Variants in GABRB1 observed in about 807,000 individuals in gnomAD.
GABRB1 encodes gamma-aminobutyric acid receptor subunit beta-1.
Under a neutral mutation model 51.6 loss-of-function variants are expected in GABRB1, and 17 were observed. That is an observed-to-expected ratio of 0.33 (90% CI 0.23 to 0.49). The LOEUF (loss-of-function observed/expected upper bound fraction) is 0.49, where lower values mean the gene tolerates loss of function less well. Among genes scored for constraint, GABRB1 ranks in the 20% least tolerant of loss-of-function variants. The probability of loss-of-function intolerance (pLI) is 0.99; values close to 1 mark genes in which losing one functional copy is unlikely to be tolerated. For missense variants in GABRB1, 410 were observed against 600.6 expected, an observed-to-expected ratio of 0.68 and a Z score of 3.32; for synonymous variants, 247 against 218.9, an observed-to-expected ratio of 1.13 and a Z score of -1.14.
chr4:47,284,014 C>A (rs940198027), intron 4 of GABRB1, among the ~76,000 whole-genome samples: 1 of 145,780 alleles, frequency 6.9e-6, no homozygotes, highest in South Asian at 2.2e-4. Flanking sequence ...AGGAGAATGG[C>A]GTGAACCCGG....
intron 3 of GABRB1, among the ~76,000 whole-genome samples, chr4:47,041,141 T>C (rs1725820121): frequency 6.6e-6 from 1 of 152,066 alleles, no homozygotes; most frequent in Admixed American, 6.6e-5. Context: ...TGAGACCGGA[T>C]ATAACAGGCA....
At chr4:47,279,482 G>A (rs1723198868) in intron 4 of GABRB1, among the ~76,000 whole-genome samples, 1 of 152,072 alleles carries the variant, frequency 6.6e-6, no homozygotes. Flanking sequence ...TTTCTTGTTG[G>A]AAAGTAAGGA....
intron 5 of GABRB1, among the ~76,000 whole-genome samples, chr4:47,367,432 G>T (rs75436467): frequency 6.6e-6 from 1 of 152,108 alleles, no homozygotes; most frequent in African/African-American, 2.4e-5. Context: ...CTCCAAAGGC[G>T]GCTCTACGGA....
At chr4:47,334,179 G>T (rs548698514) in intron 5 of GABRB1, among the ~76,000 whole-genome samples, 1 of 152,270 alleles carries the variant, frequency 6.6e-6, no homozygotes, top group African/African-American at 2.4e-5. Flanking sequence ...TACTAATGCT[G>T]TTGGTTGATG....
At chr4:47,263,704 A>G (rs2109882863) in intron 4 of GABRB1, among the ~76,000 whole-genome samples, 1 of 152,350 alleles carries the variant, frequency 6.6e-6, no homozygotes, top group African/African-American at 2.4e-5. Context: ...GGGAATATCA[A>G]TAAATACTTT....
intron 5 of GABRB1, among the ~76,000 whole-genome samples, chr4:47,368,918 G>A (rs901891355): frequency 6.6e-6 from 1 of 152,106 alleles, no homozygotes; most frequent in East Asian, 1.9e-4. Flanking sequence ...GACCAGACTG[G>A]CCAACATGGT....
At position 47,071,413 on chromosome 4, in the gene GABRB1, C is replaced by T. The variant is rs76791310; in HGVS notation, c.240+38929C>T. ...ATTACAAGCATTAGTTTGGCCTACA[C>T]AATCTTTCTAGTCCTCCCTACTTTC... On this transcript the variant is annotated intron_variant, in intron 3 of 8. Transcript: ENST00000295454. Among the ~76,000 whole-genome samples, 841 of 152,234 alleles carry T rather than the reference C, an allele frequency of 5.5e-3. 10 individuals carry two copies. The highest frequency in any genetic ancestry group is 0.019 in the African/African-American group (797 of 41,522).
Position 47,079,552 on chromosome 4 carries a change from T to A in GABRB1, c.240+47068T>A, listed in dbSNP as rs185078291. On this transcript the variant is annotated intron_variant, in intron 3 of 8. Coordinates refer to ENST00000295454, the MANE Select transcript of GABRB1 (RefSeq NM_000812.4). ...TGCTATAAAGACACATGCACACATA[T>A]GTTTATTGCGGCACTGTTCACAATA... Among the ~76,000 whole-genome samples the A allele has an allele frequency of 1.4e-4, 22 of 152,164 alleles. No individual in the cohort carries two copies. In the East Asian group the frequency reaches 3.1e-3, roughly 21 times the overall value.
intron 7 of GABRB1, 42 bp from the exon 8 acceptor site, chr4:47,406,640 A>T: frequency 4.3e-6 from 7 of 1,611,942 alleles, no homozygotes; most frequent in Non-Finnish European, 5.9e-6. Context: ...AAGGAACTTA[A>T]TAGTGGCACC....
intron 3 of GABRB1, among the ~76,000 whole-genome samples, chr4:47,099,020 T>C (rs966572843): frequency 1.3e-5 from 2 of 152,100 alleles, no homozygotes; most frequent in Non-Finnish European, 2.9e-5. Context: ...TTAGCGCAAG[T>C]TGTTCTGACT....
At chr4:47,129,076 G>T (rs1036091443) in intron 3 of GABRB1, among the ~76,000 whole-genome samples, 1 of 152,088 alleles carries the variant, frequency 6.6e-6, no homozygotes, top group African/African-American at 2.4e-5. Context: ...CAAAAGTGCT[G>T]CTGGGAATTT....
intron 8 of GABRB1, among the ~76,000 whole-genome samples, 194 bp from the exon 9 acceptor site, chr4:47,425,480 T>TGATTGATAGATA (rs1553884617): frequency 7.0e-6 from 1 of 142,318 alleles, no homozygotes; most frequent in African/African-American, 2.7e-5. Context: ...TGGATGATGA[T>TGATTGATAGATA]GATAGATAGA....
At chr4:47,169,389 G>A (rs1193495456) in intron 4 of GABRB1, among the ~76,000 whole-genome samples, 3 of 152,104 alleles carry the variant, frequency 2.0e-5, no homozygotes, top group Non-Finnish European at 2.9e-5. Context: ...CCAAGGGTTA[G>A]TATTTTGTTG....
rs559368964 is a variant in GABRB1 at position 47,094,169 on chromosome 4, A to T, written c.240+61685A>T. Among the ~76,000 whole-genome samples, 246 of 151,260 alleles carry T rather than the reference A, an allele frequency of 1.6e-3. 2 individuals are homozygous for T. Among genetic ancestry groups the T allele is most frequent in the African/African-American group, 5.9e-3 (241 of 41,184 alleles). On this transcript the variant is annotated intron_variant, in intron 3 of 8. Transcript: ENST00000295454. ...AACGGTAGGGAACAAAAGTTTTTAAACTATAGTTTTGAAAGAAAGTAAGGA... is the reference window on the plus strand; with the variant it reads ...AACGGTAGGGAACAAAAGTTTTTAATCTATAGTTTTGAAAGAAAGTAAGGA...
intron 4 of GABRB1, among the ~76,000 whole-genome samples, chr4:47,286,136 G>C (rs1442610346): frequency 6.6e-6 from 1 of 152,136 alleles, no homozygotes; most frequent in African/African-American, 2.4e-5. Context: ...ACCAGTAGGA[G>C]CTGAGTAAGA....
At chr4:47,173,046 A>G (rs1377955095) in intron 4 of GABRB1, among the ~76,000 whole-genome samples, 1 of 152,170 alleles carries the variant, frequency 6.6e-6, no homozygotes, top group Non-Finnish European at 1.5e-5. Flanking sequence ...TCTATTTGCA[A>G]AGTAGTGGTA....
At chr4:47,366,898 A>C (rs1727002556) in intron 5 of GABRB1, among the ~76,000 whole-genome samples, 1 of 152,092 alleles carries the variant, frequency 6.6e-6, no homozygotes, top group African/African-American at 2.4e-5. Flanking sequence ...TAGACTATTA[A>C]ATTTTTTTCT....
At chr4:47,126,476 T>C (rs2109663572) in intron 3 of GABRB1, among the ~76,000 whole-genome samples, 1 of 152,332 alleles carries the variant, frequency 6.6e-6, no homozygotes, top group South Asian at 2.1e-4. Flanking sequence ...AGCTTGATTG[T>C]GGTAATTATT....
Position 47,124,297 on chromosome 4 carries a change from C to T in GABRB1, c.241-36952C>T, listed in dbSNP as rs533001211. On this transcript the variant is annotated intron_variant, in intron 3 of 8. Transcript: ENST00000295454. ...GTTTATGGATAACTGGCAACAACTGCGTGACCTGATTTCAGACCTGCTCAA... is the reference window on the plus strand; with the variant it reads ...GTTTATGGATAACTGGCAACAACTGTGTGACCTGATTTCAGACCTGCTCAA... Among the ~76,000 whole-genome samples the T allele has an allele frequency of 3.3e-5, 5 of 152,144 alleles. No homozygotes were observed. The South Asian group carries it at 6.2e-4, about 19-fold the overall frequency.
Sources: allele counts gnomAD v4.1 joint callset (sites outside exome capture counted in the v4.1 genomes callset), GRCh38; gene constraint gnomAD v4.1.1; transcripts MANE v1.5; gene names NCBI Gene and HGNC (gene_info 2026-07-23, HGNC 2026-07-21).